Variants in NUP210 observed in about 807,000 individuals in gnomAD.
The protein encoded by NUP210 is nucleoporin 210.
In NUP210, 151 loss-of-function variants were observed where a neutral mutation model predicts 196.0. The observed-to-expected ratio is 0.77, with a 90% CI of 0.67 to 0.88. NUP210 has a LOEUF of 0.88. Ranked by LOEUF, NUP210 falls within the 40% of genes least tolerant of loss-of-function variation. The pLI is 0.00. For synonymous variants in NUP210, 1,070 were observed against 1,052.7 expected, an observed-to-expected ratio of 1.02 and a Z score of -0.32; for missense variants, 2,314 against 2,493.7, an observed-to-expected ratio of 0.93 and a Z score of 1.53.
chr3:13,387,596 T>C (rs1256879041), intron 5 of NUP210, among the ~76,000 whole-genome samples: 1 of 152,184 alleles, frequency 6.6e-6, no homozygotes, highest in Non-Finnish European at 1.5e-5. Flanking sequence ...CTTTACAAAA[T>C]TAAATGGCAG....
At chr3:13,407,034 G>T (rs1700027309) in intron 1 of NUP210, among the ~76,000 whole-genome samples, 1 of 152,314 alleles carries the variant, frequency 6.6e-6, no homozygotes, top group East Asian at 1.9e-4. Flanking sequence ...CTCACCAGCT[G>T]CGTGATCTTG....
At chr3:13,336,755 G>A in intron 27 of NUP210, 32 bp downstream of exon 27, 2 of 1,606,206 alleles carry the variant, frequency 1.2e-6, no homozygotes, top group Non-Finnish European at 1.7e-6. Flanking sequence ...GACAGGGGTG[G>A]GAGGTGAGCT....
intron 20 of NUP210, chr3:13,345,263 A>G: frequency 1.0e-6 from 1 of 982,236 alleles, no homozygotes; most frequent in Non-Finnish European, 1.2e-6. Flanking sequence ...ACCTTCACTT[A>G]TTTGGAAAGT....
chr3:13,378,830 G>C, intron 8 of NUP210, 82 bp downstream of exon 8: 1 of 1,035,050 alleles, frequency 9.7e-7, no homozygotes, highest in Non-Finnish European at 1.5e-6. Flanking sequence ...TTTCTGTGGA[G>C]CTATTGCTTC....
intron 11 of NUP210, among the ~76,000 whole-genome samples, chr3:13,374,270 C>T (rs942250199): frequency 6.6e-6 from 1 of 152,200 alleles, no homozygotes; most frequent in African/African-American, 2.4e-5. Flanking sequence ...TCACCATTCG[C>T]ACCCACGGTA....
intron 3 of NUP210, among the ~76,000 whole-genome samples, chr3:13,393,945 G>A (rs1351694900): frequency 6.6e-6 from 1 of 152,176 alleles, no homozygotes; most frequent in African/African-American, 2.4e-5. Context: ...ACCCAATGCC[G>A]GCTGGCCCCA....
chr3:13,353,425 C>A (rs1698050208), intron 18 of NUP210, 129 bp downstream of exon 18: 2 of 739,720 alleles, frequency 2.7e-6, no homozygotes, highest in Admixed American at 4.3e-5. Context: ...CTCCAAGAGG[C>A]TGGGGTGGGG....
At chr3:13,406,909 G>C (rs1282341527) in intron 1 of NUP210, among the ~76,000 whole-genome samples, 5 of 150,200 alleles carry the variant, frequency 3.3e-5, no homozygotes, top group African/African-American at 9.9e-5. Context: ...GCTTTCCCAG[G>C]GACCCCTCAT....
intron 21 of NUP210, among the ~76,000 whole-genome samples, chr3:13,342,574 T>C (rs757918732): frequency 1.3e-4 from 20 of 152,326 alleles, no homozygotes; most frequent in Non-Finnish European, 8.8e-5. Context: ...GGGTACAGCA[T>C]ATTAGCTTCT....
chr3:13,402,150 T>C (rs928019471), intron 1 of NUP210, among the ~76,000 whole-genome samples: 12 of 152,170 alleles, frequency 7.9e-5, no homozygotes, highest in Non-Finnish European at 1.5e-5. Context: ...CAGTGAGTTG[T>C]GATTGTGTCA....
chr3:13,339,755 C>T, intron 25 of NUP210, 99 bp downstream of exon 25: 2 of 1,135,520 alleles, frequency 1.8e-6, no homozygotes, highest in African/African-American at 1.5e-5. Context: ...AGAAGCAGCA[C>T]CCTTGGAGAG....
At chr3:13,318,202 C>T (rs1329212940) in intron 39 of NUP210, among the ~76,000 whole-genome samples, 1 of 152,168 alleles carries the variant, frequency 6.6e-6, no homozygotes, top group East Asian at 1.9e-4. Context: ...TCCCAAAACC[C>T]AGGGAGGAGC....
chr3:13,329,606 G>A (rs1696915322), intron 30 of NUP210, among the ~76,000 whole-genome samples: 1 of 152,236 alleles, frequency 6.6e-6, no homozygotes, highest in African/African-American at 2.4e-5. Context: ...AACTAGAGCG[G>A]GGGATTTGCT....
rs1461133939 is a variant in NUP210, at chr3:13,348,615, C to T, written c.2835+3264G>A. ...CTGGAGGAAGAGCTGGGGAATTGTT[C>T]TTTCTTCTATGAGGGGATAAGAATG... is the stretch of plus-strand genomic sequence containing the variant. On this transcript the variant is annotated intron_variant, in intron 20 of 39. Transcript: ENST00000254508. This position sits in a 1 kb window ranked among gnomAD's most constrained non-coding sequence, Gnocchi z 4.0. The T allele has an allele frequency of 3.0e-6, 3 of 985,304 alleles. No individual in the cohort carries two copies. The highest frequency in any genetic ancestry group is 3.6e-6 in the Non-Finnish European group (3 of 829,932). 61.0% of individuals were successfully genotyped at this position (985,304 alleles called of 1,614,324 possible). A position where few individuals can be genotyped will look rare whatever the true frequency, so the allele number is the denominator to read the frequency against.
chr3:13,363,306 AT>A (rs1429081987), intron 14 of NUP210, among the ~76,000 whole-genome samples: 3 of 152,208 alleles, frequency 2.0e-5, no homozygotes, highest in Admixed American at 6.5e-5. Context: ...TCTTGATCCC[AT>A]GCTCTTACCC....
chr3:13,411,553 CCT>C (rs756814465), intron 1 of NUP210, among the ~76,000 whole-genome samples: 56 of 152,110 alleles, frequency 3.7e-4, no homozygotes, highest in Non-Finnish European at 7.2e-4. Context: ...GTCCATCCCC[CCT>C]GTCACCACCC....
rs1699018418 is a variant in NUP210 at position 13,379,099 on chromosome 3, T to A, written c.977-119A>T. The A allele has an allele frequency of 6.9e-6, 6 of 873,246 alleles. No homozygotes were observed. Among genetic ancestry groups the A allele is most frequent in the East Asian group, 4.9e-5 (2 of 40,498 alleles). The allele number at this position is 873,246 out of a possible 1,614,324, so 54.1% of individuals were successfully genotyped here. On this transcript the variant is annotated intron_variant, in intron 7 of 39. Coordinates refer to ENST00000254508, the MANE Select transcript of NUP210 (RefSeq NM_024923.4). This position sits in a 1 kb window ranked among gnomAD's most constrained non-coding sequence, Gnocchi z 4.2. ...ATCACATGGAGAGAAGAAGAGGGGA[T>A]GAAAACTCCCCTGGCTTAGGCCACG...
intron 14 of NUP210, among the ~76,000 whole-genome samples, chr3:13,362,752 G>A (rs1377675903): frequency 6.6e-6 from 1 of 152,124 alleles, no homozygotes; most frequent in Non-Finnish European, 1.5e-5. Context: ...AACAGAGCCA[G>A]GCGTGGCCCC....
intron 10 of NUP210, 24 bp from the exon 11 acceptor site, chr3:13,375,665 C>G: frequency 6.2e-7 from 1 of 1,604,286 alleles, no homozygotes; most frequent in African/African-American, 1.3e-5. Flanking sequence ...GGGTGCCACA[C>G]GTAACCATGA....
Sources: allele counts gnomAD v4.1 joint callset (sites outside exome capture counted in the v4.1 genomes callset), GRCh38; gene constraint gnomAD v4.1.1; non-coding constraint Gnocchi (gnomAD v3.1); transcripts MANE v1.5; gene names NCBI Gene and HGNC (gene_info 2026-07-23, HGNC 2026-07-21).